The following PEX11G variants were observed in gnomAD, a reference collection of about 807,000 sequenced individuals.
PEX11G encodes the protein peroxisomal biogenesis factor 11 gamma, also known as peroxisomal membrane protein 11C.
In PEX11G, 20 loss-of-function variants were observed where a neutral mutation model predicts 22.5. The ratio of observed to expected loss-of-function variants is 0.89; its 90% CI spans 0.62 to 1.29. The LOEUF is 1.29. Ranked by LOEUF, PEX11G falls within the 50% of genes most tolerant of loss-of-function variation. The pLI, the probability that PEX11G is intolerant of heterozygous loss-of-function variation, is 0.00. For synonymous variants in PEX11G, 141 were observed against 154.5 expected, an observed-to-expected ratio of 0.91 and a Z score of 0.65; for missense variants, 347 against 331.3, an observed-to-expected ratio of 1.05 and a Z score of -0.37.
chr19:7,490,310 T>G (rs1354240382), upstream of PEX11G, among the ~76,000 whole-genome samples: 2 of 152,264 alleles, frequency 1.3e-5, no homozygotes, highest in African/African-American at 4.8e-5. Context: ...GTTAATAAAT[T>G]TGTTTTTCCC....
chr19:7,483,061 C>T (rs1977574459), intron 2 of PEX11G, among the ~76,000 whole-genome samples: 2 of 152,032 alleles, frequency 1.3e-5, no homozygotes, highest in South Asian at 4.2e-4. Context: ...ACCGGGGGAC[C>T]CGCCCCCTTG....
At chr19:7,493,840 A>C (rs2021930930), upstream of PEX11G, among the ~76,000 whole-genome samples, 2 of 64,196 alleles carry the variant, frequency 3.1e-5, no homozygotes, top group East Asian at 3.8e-4. Context: ...ACCCCGTCTC[A>C]AAAAAAAAAA....
chr19:7,487,667 C>T (rs538061423), intron 1 of PEX11G, among the ~76,000 whole-genome samples: 2 of 152,314 alleles, frequency 1.3e-5, no homozygotes, highest in African/African-American at 4.8e-5. Context: ...GACAATCCAC[C>T]CAGCTCAGCC....
intron 2 of PEX11G, among the ~76,000 whole-genome samples, chr19:7,484,690 T>G (rs1195706012): frequency 6.6e-6 from 1 of 150,968 alleles, no homozygotes; most frequent in Non-Finnish European, 1.5e-5. Flanking sequence ...GAAAAATCAT[T>G]TGAATCCCGG....
At chr19:7,483,761 A>C (rs1350278635) in intron 2 of PEX11G, among the ~76,000 whole-genome samples, 1 of 152,044 alleles carries the variant, frequency 6.6e-6, no homozygotes, top group Admixed American at 6.6e-5. Context: ...AGTGGCTCAG[A>C]GAGGTGATCC....
At position 7,477,357 on chromosome 19, in the gene PEX11G, C is replaced by CGGCCAGGTT; in HGVS notation, c.562_570dup (p.Asn188_Ala190dup). 1 of 1,557,642 alleles carries CGGCCAGGTT rather than the reference C, an allele frequency of 6.4e-7. No individual in the cohort carries two copies. ...AGCCAGTGCACGGCGTTGGCCAGGT[C>CGGCCAGGTT]GGCCAGGTTGCTGAGAAGTGACAGC... On this transcript the variant is annotated inframe_insertion, in exon 5 of 5. Coordinates refer to ENST00000221480, the MANE Select transcript of PEX11G (RefSeq NM_080662.4).
intron 2 of PEX11G, among the ~76,000 whole-genome samples, chr19:7,485,015 C>G (rs920726401): frequency 6.6e-5 from 10 of 152,100 alleles, no homozygotes; most frequent in African/African-American, 2.4e-4. Flanking sequence ...CTATAAAACG[C>G]CCATGGTGGC....
upstream of PEX11G, among the ~76,000 whole-genome samples, chr19:7,490,146 C>T (rs1255678879): frequency 6.6e-6 from 1 of 152,082 alleles, no homozygotes; most frequent in Admixed American, 6.6e-5. Context: ...GCGTGAGCCA[C>T]CGCACCCGGC....
intron 3 of PEX11G, among the ~76,000 whole-genome samples, chr19:7,478,892 G>T (rs565651594): frequency 6.6e-6 from 1 of 152,296 alleles, no homozygotes; most frequent in African/African-American, 2.4e-5. Flanking sequence ...CCCAGGGCTG[G>T]CATCTGCAGG....
In PEX11G at chr19:7,478,299, A is replaced by G; in HGVS notation, c.491+15T>C. On this transcript the variant is annotated intron_variant, in intron 4 of 4. Coordinates refer to ENST00000221480, the MANE Select transcript of PEX11G (RefSeq NM_080662.4). The stretch of plus-strand genomic sequence containing the variant: ...AGGGAGTGGGCCTCCCTGCTGGGTG[A>G]TCACGGGCTCCTACCTGGTGAAGGG... 1 of 1,609,098 alleles carries G rather than the reference A, an allele frequency of 6.2e-7. No individual in the cohort carries two copies. The highest frequency in any genetic ancestry group is 1.3e-5 in the African/African-American group (1 of 74,970).
Position 7,481,399 on chromosome 19 carries a change from A to G in PEX11G, c.428+634T>C, listed in dbSNP as rs144111855. Among the ~76,000 whole-genome samples the G allele has an allele frequency of 4.5e-4, 68 of 152,220 alleles. No homozygotes were observed. The East Asian group carries it at 0.013, about 29-fold the overall frequency. On this transcript the variant is annotated intron_variant, in intron 3 of 4. Transcript: ENST00000221480. ...GTATTTTTAGTAGAGACAGGGTTTCACCATGTTGGCCAGGCTGGTCTAGAA... is the reference window on the plus strand; with the variant it reads ...GTATTTTTAGTAGAGACAGGGTTTCGCCATGTTGGCCAGGCTGGTCTAGAA...
chr19:7,494,402 CA>C lies in PEX11G; in HGVS notation c.-457+3000del, dbSNP rs371972509. Among the ~76,000 whole-genome samples the C allele has an allele frequency of 3.7e-3, 557 of 151,450 alleles. 13 individuals are homozygous for C. In the South Asian group the frequency reaches 0.052, roughly 14 times the overall value. On this transcript the variant is annotated intron_variant, in intron 1 of 6. Transcript: ENST00000593942. ...AAGACCCATCTCTAAAAAAGTAAAA[CA>C]AAAAAAAATCCAAAGCCAAGGTCCA... is the stretch of plus-strand genomic sequence containing the variant.
chr19:7,489,021 TGACGTCACCGC>T lies in PEX11G; in HGVS notation c.-22_-12del. The T allele has an allele frequency of 6.6e-7, 1 of 1,515,234 alleles. No homozygotes were observed. The allele number at this position is 1,515,234 out of a possible 1,614,324, so 93.9% of individuals were successfully genotyped here. A position where few individuals can be genotyped will look rare whatever the true frequency, so the allele number is the denominator to read the frequency against. ...GCTCAGCGACGCCATGGCAACTCCG[TGACGTCACCGC>T]GACGTCGGCGCGCCGCGCCAGGGGG... On this transcript the variant is annotated 5_prime_UTR_variant, in exon 1 of 5. Transcript: ENST00000221480.
chr19:7,482,273 G>A lies in PEX11G; in HGVS notation c.250-62C>T, dbSNP rs913868304. On this transcript the variant is annotated intron_variant, in intron 2 of 4. Coordinates refer to ENST00000221480, the MANE Select transcript of PEX11G (RefSeq NM_080662.4). ...CTTACCCACTGCCCATTTTAGCACC[G>A]TAGCCATGCCAGGTGGCAGAGAGCT... is the stretch of plus-strand genomic sequence containing the variant. 1.1e-4 allele frequency: 154 copies of A among 1,461,604 alleles called. 2 individuals carry two copies. The South Asian group carries it at 1.4e-3, about 13-fold the overall frequency. 90.5% of individuals were successfully genotyped at this position (1,461,604 alleles called of 1,614,324 possible).
At chr19:7,482,303 C>T (rs1287311425) in intron 2 of PEX11G, 92 bp from the exon 3 acceptor site, 1 of 1,380,512 alleles carries the variant, frequency 7.2e-7, no homozygotes, top group Non-Finnish European at 9.6e-7. Flanking sequence ...AGAGCTATTT[C>T]CTGACCCCAG....
At chr19:7,482,910 C>G (rs1482554940) in intron 2 of PEX11G, among the ~76,000 whole-genome samples, 1 of 152,242 alleles carries the variant, frequency 6.6e-6, no homozygotes, top group African/African-American at 2.4e-5. Context: ...AATGCACACG[C>G]GGGCTCTCGG....
intron 2 of PEX11G, 134 bp from the exon 3 acceptor site, chr19:7,482,345 C>T (rs568115314): frequency 3.7e-6 from 4 of 1,067,008 alleles, no homozygotes; most frequent in East Asian, 2.6e-5. Context: ...TGGCAGGCCC[C>T]GCGGGAGAAA....
intron 1 of PEX11G, 40 bp from the exon 2 acceptor site, chr19:7,486,066 C>T: frequency 2.0e-6 from 3 of 1,536,162 alleles, no homozygotes; most frequent in Non-Finnish European, 2.7e-6. Context: ...CCCTCCTGTT[C>T]TGCAGAACTG....
chr19:7,487,547 C>T (rs1008972537), intron 1 of PEX11G, among the ~76,000 whole-genome samples: 1 of 152,122 alleles, frequency 6.6e-6, no homozygotes, highest in African/African-American at 2.4e-5. Context: ...CTCAGCCTTC[C>T]AAGTAGCTGG....
Sources: allele counts gnomAD v4.1 joint callset (sites outside exome capture counted in the v4.1 genomes callset), GRCh38; gene constraint gnomAD v4.1.1; transcripts MANE v1.5; gene names NCBI Gene and HGNC (gene_info 2026-07-23, HGNC 2026-07-21).